Variants in DUSP16 observed in about 807,000 individuals in gnomAD.
DUSP16 encodes dual specificity phosphatase 16.
Under a neutral mutation model 58.3 loss-of-function variants are expected in DUSP16, and 21 were observed. The observed-to-expected ratio is 0.36, with a 90% CI of 0.26 to 0.52. The LOEUF (loss-of-function observed/expected upper bound fraction) is 0.52, where lower values mean the gene tolerates loss of function less well. Among genes scored for constraint, DUSP16 ranks in the 20% least tolerant of loss-of-function variants. The probability of loss-of-function intolerance (pLI) is 0.94; values close to 1 mark genes in which losing one functional copy is unlikely to be tolerated. For missense variants in DUSP16, 726 were observed against 819.0 expected (o/e 0.89, Z 1.39); for synonymous variants, 320 against 323.8 (o/e 0.99, Z 0.12).
intron 1 of DUSP16, among the ~76,000 whole-genome samples, chr12:12,551,009 G>A (rs896358000): frequency 6.6e-6 from 1 of 151,982 alleles, no homozygotes; most frequent in African/African-American, 2.4e-5. Context: ...GATGAAATAG[G>A]AAGCACACAT....
At chr12:12,506,767 G>C (rs918273545) in intron 3 of DUSP16, among the ~76,000 whole-genome samples, 1 of 152,236 alleles carries the variant, frequency 6.6e-6, no homozygotes, top group Non-Finnish European at 1.5e-5. Context: ...GGCCTCTACA[G>C]CTGTGGATGC....
intron 1 of DUSP16, among the ~76,000 whole-genome samples, chr12:12,524,618 C>T (rs989231722): frequency 6.6e-6 from 1 of 152,152 alleles, no homozygotes; most frequent in East Asian, 1.9e-4. Flanking sequence ...GCAACATCAC[C>T]AAGCTAATCT....
chr12:12,477,057 C>T lies in DUSP16; in HGVS notation c.1774G>A (p.Asp592Asn), dbSNP rs1344739268. The part of the protein sequence containing the change: ...YSCSQLPTCG[D>N]QVYSVRRRQK... Reference sequence around the variant, plus strand: ...CGCCTGCGCACAGAATAGACTTGGTCTCCGCAAGTGGGCAGCTGGCTGCAG... The same window carrying T: ...CGCCTGCGCACAGAATAGACTTGGTTTCCGCAAGTGGGCAGCTGGCTGCAG... Residue 592 changes from aspartate (D) to asparagine (N), a missense_variant, in exon 7 of 7, where the codon GAC (aspartate) becomes AAC (asparagine). By Grantham distance (23) the Asp-to-Asn change is conservative. Coordinates refer to ENST00000298573, the MANE Select transcript of DUSP16 (RefSeq NM_030640.3). This position sits in a 1 kb window ranked among gnomAD's most constrained non-coding sequence, Gnocchi z 4.1. The T allele has an allele frequency of 1.9e-6, 3 of 1,614,244 alleles. No homozygotes were observed. Among genetic ancestry groups the T allele is most frequent in the Admixed American group, 3.3e-5 (2 of 60,032 alleles).
At chr12:12,491,941 A>G (rs1436858408) in intron 4 of DUSP16, among the ~76,000 whole-genome samples, 1 of 152,146 alleles carries the variant, frequency 6.6e-6, no homozygotes, top group Non-Finnish European at 1.5e-5. Context: ...CTTCATCCCC[A>G]TGATGTCTGT....
At position 12,474,282 on chromosome 12, in the gene DUSP16, A is replaced by G. The variant is rs1470318428; in HGVS notation, c.*2551T>C. ...ATCATTTCATACATTAACATACATGACACATCAAAATGAGAAATGCACAGT... is the reference window on the plus strand; with the variant it reads ...ATCATTTCATACATTAACATACATGGCACATCAAAATGAGAAATGCACAGT... On this transcript the variant is annotated 3_prime_UTR_variant, in exon 7 of 7. Transcript: ENST00000298573. 1.3e-5 allele frequency: 2 copies of G among 152,198 alleles called. No individual in the cohort carries two copies. The highest frequency in any genetic ancestry group is 1.3e-4 in the Admixed American group (2 of 15,290). The allele number at this position is 152,198 out of a possible 1,614,324, so 9.4% of individuals were successfully genotyped here.
chr12:12,507,043 T>A (rs2136219340), intron 3 of DUSP16, among the ~76,000 whole-genome samples: 1 of 152,158 alleles, frequency 6.6e-6, no homozygotes, highest in East Asian at 1.9e-4. Flanking sequence ...CCATTCCATT[T>A]TGGGGGGGAA....
chr12:12,511,549 ACTC>A (rs1944079782), intron 3 of DUSP16, among the ~76,000 whole-genome samples: 1 of 151,266 alleles, frequency 6.6e-6, no homozygotes, highest in Admixed American at 6.6e-5. Context: ...CCCAAATCTT[ACTC>A]CTCATCTTTC....
rs754524188 is a variant in DUSP16 at position 12,477,043 on chromosome 12, A to T, written c.1788T>A (p.Ser596=). 3.1e-6 allele frequency: 5 copies of T among 1,614,264 alleles called. No individual in the cohort carries two copies. The highest frequency in any genetic ancestry group is 3.4e-6 in the Non-Finnish European group (4 of 1,180,052). Residue 596 remains serine (S), a synonymous_variant, in exon 7 of 7, where the codon TCT becomes TCA. Coordinates refer to ENST00000298573, the MANE Select transcript of DUSP16 (RefSeq NM_030640.3). This position sits in a 1 kb window ranked among gnomAD's most constrained non-coding sequence, Gnocchi z 4.1. Reference sequence around the variant, plus strand: ...CACTTGGCTTCTGCCGCCTGCGCACAGAATAGACTTGGTCTCCGCAAGTGG... The same window carrying T: ...CACTTGGCTTCTGCCGCCTGCGCACTGAATAGACTTGGTCTCCGCAAGTGG... ...QLPTCGDQVY[S]VRRRQKPSDR...
At chr12:12,542,070 TCCATTTATATGAAATAC>T (rs1477020470) in intron 1 of DUSP16, among the ~76,000 whole-genome samples, 1 of 152,068 alleles carries the variant, frequency 6.6e-6, no homozygotes, top group Admixed American at 6.5e-5. Flanking sequence ...ATTATATGAA[TCCATTTATATGAAATAC>T]CCAGAAAGGC....
intron 3 of DUSP16, among the ~76,000 whole-genome samples, chr12:12,517,177 C>T (rs1223213816): frequency 6.6e-6 from 1 of 152,200 alleles, no homozygotes; most frequent in Non-Finnish European, 1.5e-5. Flanking sequence ...AGCTAATGAC[C>T]ATAAAAACCA....
chr12:12,486,861 G>A (rs993811783), intron 5 of DUSP16, among the ~76,000 whole-genome samples, 167 bp downstream of exon 5: 1 of 152,186 alleles, frequency 6.6e-6, no homozygotes, highest in Non-Finnish European at 1.5e-5. Context: ...TGACACACAC[G>A]TCACCTTGAC....
chr12:12,496,207 TG>T (rs1184764712), intron 4 of DUSP16, among the ~76,000 whole-genome samples: 59 of 152,352 alleles, frequency 3.9e-4, no homozygotes, highest in African/African-American at 1.3e-3. Flanking sequence ...GAACACTGTA[TG>T]GTGTTCTACA....
chr12:12,562,655 A>T lies in DUSP16; in HGVS notation c.-904T>A, dbSNP rs887960753. On this transcript the variant is annotated 5_prime_UTR_variant, in exon 1 of 7. Coordinates refer to ENST00000298573, the MANE Select transcript of DUSP16 (RefSeq NM_030640.3). ...AGGTCATTGGTTTAAAAATAAAGAG[A>T]TGGCGTCACTTGAAACCAATCCCAG... Among the ~76,000 whole-genome samples the T allele has an allele frequency of 1.3e-5, 2 of 151,890 alleles. No homozygotes were observed. The highest frequency in any genetic ancestry group is 2.9e-5 in the Non-Finnish European group (2 of 67,892).
chr12:12,558,655 T>C (rs372329695), intron 1 of DUSP16, among the ~76,000 whole-genome samples: 1 of 152,192 alleles, frequency 6.6e-6, no homozygotes, highest in Non-Finnish European at 1.5e-5. Flanking sequence ...GCTGGGATTA[T>C]AGGAATGAGC....
At chr12:12,489,719 CAA>C (rs1208927688) in intron 4 of DUSP16, among the ~76,000 whole-genome samples, 1 of 152,162 alleles carries the variant, frequency 6.6e-6, no homozygotes, top group African/African-American at 2.4e-5. Context: ...TAAGGACTGT[CAA>C]AATTGATTTT....
chr12:12,520,770 C>T, intron 2 of DUSP16, 101 bp downstream of exon 2: 1 of 1,406,436 alleles, frequency 7.1e-7, no homozygotes, highest in South Asian at 1.4e-5. Flanking sequence ...ACCAAAACTT[C>T]CTCAAATTAC....
At chr12:12,487,933 A>C (rs1014112981) in intron 4 of DUSP16, among the ~76,000 whole-genome samples, 3 of 152,220 alleles carry the variant, frequency 2.0e-5, no homozygotes. Context: ...ATCCTTTTGG[A>C]ATAACCTCTT....
intron 1 of DUSP16, among the ~76,000 whole-genome samples, chr12:12,545,363 C>A (rs1005974131): frequency 1.3e-5 from 2 of 151,836 alleles, no homozygotes; most frequent in Non-Finnish European, 2.9e-5. Flanking sequence ...CAGGTTCAAG[C>A]GATTCTCAGC....
At chr12:12,512,375 A>T in intron 3 of DUSP16, among the ~76,000 whole-genome samples, 1 of 152,192 alleles carries the variant, frequency 6.6e-6, no homozygotes, top group East Asian at 1.9e-4. Flanking sequence ...AATTTGAAGT[A>T]TATGGTACGT....
Sources: gnomAD v4.1 joint callset for allele counts (sites outside exome capture counted in the v4.1 genomes callset) on GRCh38, gnomAD v4.1.1 for gene constraint, Gnocchi (gnomAD v3.1) non-coding constraint, MANE v1.5 for transcripts, NCBI Gene and HGNC (gene_info 2026-07-23, HGNC 2026-07-21) for gene names.